Variants in COLGALT2 observed in about 807,000 individuals in gnomAD.
The protein encoded by COLGALT2 is procollagen galactosyltransferase 2.
COLGALT2 carries 49 observed loss-of-function variants against 73.4 expected under a neutral mutation model. The observed-to-expected ratio is 0.67, with a 90% CI of 0.53 to 0.85. The LOEUF is 0.85. Among genes scored for constraint, COLGALT2 ranks in the 40% least tolerant of loss-of-function variants. The probability of loss-of-function intolerance (pLI) is 0.00; values close to 1 mark genes in which losing one functional copy is unlikely to be tolerated. For synonymous variants in COLGALT2, 295 were observed against 307.6 expected, an observed-to-expected ratio of 0.96 and a Z score of 0.43; for missense variants, 722 against 790.2, an observed-to-expected ratio of 0.91 and a Z score of 1.03.
intron 4 of COLGALT2, among the ~76,000 whole-genome samples, chr1:183,969,776 T>C (rs950049544): frequency 4.6e-5 from 7 of 152,240 alleles, no homozygotes; most frequent in African/African-American, 1.7e-4. Context: ...ATATGAAGCA[T>C]GAGTATTAAG....
intron 1 of COLGALT2, among the ~76,000 whole-genome samples, chr1:184,002,300 C>A (rs113072785): frequency 8.9e-4 from 135 of 152,324 alleles, no homozygotes; most frequent in African/African-American, 3.2e-3. Context: ...GGAGAAGAAA[C>A]CTGGGCTAGA....
At chr1:184,013,017 TAA>T (rs1046351944) in intron 1 of COLGALT2, among the ~76,000 whole-genome samples, 14 of 152,194 alleles carry the variant, frequency 9.2e-5, no homozygotes, top group Admixed American at 2.0e-4. Context: ...AGAATAGTTA[TAA>T]GAGTGTTAAG....
chr1:183,963,823 G>A, intron 6 of COLGALT2, 78 bp downstream of exon 6: 1 of 1,365,184 alleles, frequency 7.3e-7, no homozygotes, highest in South Asian at 1.8e-5. Flanking sequence ...TTCCAATCCT[G>A]GAAGAGGAGG....
At chr1:183,976,706 C>G (rs1024330767) in intron 2 of COLGALT2, among the ~76,000 whole-genome samples, 12 of 151,962 alleles carry the variant, frequency 7.9e-5, no homozygotes, top group Non-Finnish European at 1.5e-4. Flanking sequence ...ATATTCTAGC[C>G]CCTGCCAAAG....
rs1558305308 is a variant in COLGALT2 at position 183,936,150 on chromosome 1, G to A, written c.*2611C>T. 22 of 985,496 alleles carry A rather than the reference G, an allele frequency of 2.2e-5. No individual in the cohort carries two copies. Among genetic ancestry groups the A allele is most frequent in the Non-Finnish European group, 2.5e-5 (21 of 830,090 alleles). The allele number at this position is 985,496 out of a possible 1,614,324, so 61.0% of individuals were successfully genotyped here. ...AGGGTTTAGCCTCCAGAGGCAGAGAGCGGGTGCCAGGCCCAGATGCAAAGG... is the reference window on the plus strand; with the variant it reads ...AGGGTTTAGCCTCCAGAGGCAGAGAACGGGTGCCAGGCCCAGATGCAAAGG... On this transcript the variant is annotated 3_prime_UTR_variant, in exon 12 of 12. Transcript: ENST00000361927.
At chr1:183,963,861 A>G in intron 6 of COLGALT2, 40 bp downstream of exon 6, 1 of 1,516,390 alleles carries the variant, frequency 6.6e-7, no homozygotes, top group South Asian at 1.3e-5. Context: ...CACTGTGGCA[A>G]TGGAACGAGA....
intron 7 of COLGALT2, among the ~76,000 whole-genome samples, chr1:183,953,003 A>T (rs1670440628): frequency 6.6e-6 from 1 of 152,248 alleles, no homozygotes; most frequent in South Asian, 2.1e-4. Flanking sequence ...AAAACAGAAC[A>T]GAACAAAAAA....
chr1:183,977,812 A>AGAGAGAGAGAGAGAGAGAGAGAGAGAGAG (rs1553317022), intron 2 of COLGALT2, among the ~76,000 whole-genome samples: 3 of 52,320 alleles, frequency 5.7e-5, no homozygotes, highest in Admixed American at 1.9e-4. Flanking sequence ...GAAAGAGAGA[A>AGAGAGAGAGAGAGAGAGAGAGAGAGAGAG]AGAGAGAGAG....
intron 6 of COLGALT2, among the ~76,000 whole-genome samples, chr1:183,961,022 T>C (rs182590692): frequency 1.8e-4 from 27 of 152,368 alleles, no homozygotes; most frequent in Non-Finnish European, 5.9e-5. Context: ...TAGGATTTTG[T>C]CATTACCAAC....
chr1:184,025,504 A>T (rs530727662), intron 1 of COLGALT2, among the ~76,000 whole-genome samples: 3 of 152,318 alleles, frequency 2.0e-5, no homozygotes, highest in African/African-American at 7.2e-5. Context: ...GCCTGGCTAG[A>T]TGTGCTCAGA....
intron 1 of COLGALT2, among the ~76,000 whole-genome samples, chr1:183,990,984 C>T (rs1194273907): frequency 6.6e-6 from 1 of 152,220 alleles, no homozygotes; most frequent in African/African-American, 2.4e-5. Context: ...CATGAGCATG[C>T]ATTTATTCTT....
intron 2 of COLGALT2, among the ~76,000 whole-genome samples, chr1:183,977,109 T>C (rs986236132): frequency 6.6e-6 from 1 of 152,210 alleles, no homozygotes; most frequent in Non-Finnish European, 1.5e-5. Context: ...AACCATTTCA[T>C]TTGTATTTGA....
chr1:184,023,474 C>T (rs181771507), intron 1 of COLGALT2, among the ~76,000 whole-genome samples: 12 of 152,204 alleles, frequency 7.9e-5, no homozygotes, highest in Non-Finnish European at 1.6e-4. Flanking sequence ...TGAATTCCAA[C>T]TGGCAGGTTC....
At chr1:183,995,631 G>C (rs1671750312) in intron 1 of COLGALT2, among the ~76,000 whole-genome samples, 1 of 152,092 alleles carries the variant, frequency 6.6e-6, no homozygotes, top group African/African-American at 2.4e-5. Context: ...GCTTCCAGCG[G>C]GTGTGTATTT....
intron 1 of COLGALT2, among the ~76,000 whole-genome samples, chr1:183,999,079 T>C (rs1671846558): frequency 6.6e-6 from 1 of 152,132 alleles, no homozygotes; most frequent in African/African-American, 2.4e-5. Flanking sequence ...ATATGATATT[T>C]GTTACAGTCT....
chr1:183,948,719 G>A (rs568711082), intron 8 of COLGALT2, among the ~76,000 whole-genome samples: 9 of 152,256 alleles, frequency 5.9e-5, no homozygotes, highest in Non-Finnish European at 1.2e-4. Context: ...GATCCAGCAA[G>A]GGTAGTTGGA....
chr1:184,037,022 T>C (rs1329330630), intron 1 of COLGALT2, 73 bp downstream of exon 1: 64 of 1,254,930 alleles, frequency 5.1e-5, no homozygotes, highest in Non-Finnish European at 6.4e-5. Flanking sequence ...CAGCTGCTGC[T>C]CCGGGCGCTG....
chr1:183,990,463 T>A (rs1433969507), intron 1 of COLGALT2, among the ~76,000 whole-genome samples: 2 of 152,248 alleles, frequency 1.3e-5, no homozygotes, highest in Non-Finnish European at 2.9e-5. Flanking sequence ...GCACCCAGTT[T>A]CTCACAGATG....
intron 4 of COLGALT2, among the ~76,000 whole-genome samples, chr1:183,973,190 T>C (rs953828640): frequency 6.6e-6 from 1 of 152,250 alleles, no homozygotes; most frequent in African/African-American, 2.4e-5. Flanking sequence ...ACACAGTTAC[T>C]AAAAACGTGC....
Sources: allele counts gnomAD v4.1 joint callset (sites outside exome capture counted in the v4.1 genomes callset), GRCh38; gene constraint gnomAD v4.1.1; transcripts MANE v1.5; gene names NCBI Gene and HGNC (gene_info 2026-07-23, HGNC 2026-07-21).